CHIC1: variants seen among roughly 807,000 people sequenced by gnomAD.
CHIC1 encodes the protein cysteine rich hydrophobic domain 1.
A neutral mutation model predicts 18.5 loss-of-function variants in CHIC1; 7 were observed. The observed-to-expected ratio is 0.38, with a 90% CI of 0.22 to 0.71. CHIC1 has a LOEUF of 0.71. Among genes scored for constraint, CHIC1 ranks in the 30% least tolerant of loss-of-function variants. The pLI, the probability that CHIC1 is intolerant of heterozygous loss-of-function variation, is 0.49. For synonymous variants in CHIC1, 77 were observed against 73.5 expected (o/e 1.05, Z -0.25); for missense variants, 159 against 176.9 (o/e 0.90, Z 0.57).
At chrX:73,641,167 G>A (rs1603346907) in intron 3 of CHIC1, among the ~76,000 whole-genome samples, 1 of 111,219 alleles carries the variant, frequency 9.0e-6, no homozygotes, top group Non-Finnish European at 1.9e-5. Context: ...TATTTTCTCA[G>A]TATTTATTTC....
chrX:73,573,721 C>G (rs2057482241), intron 1 of CHIC1, among the ~76,000 whole-genome samples: 1 of 110,727 alleles, frequency 9.0e-6, no homozygotes, highest in African/African-American at 3.3e-5. Context: ...TGATTTGGCT[C>G]TCAGCTTAAA....
At chrX:73,663,455 G>A (rs1256004070) in intron 3 of CHIC1, among the ~76,000 whole-genome samples, 2 of 110,421 alleles carry the variant, frequency 1.8e-5, no homozygotes, top group Non-Finnish European at 3.8e-5. Context: ...GTTCCCCAAA[G>A]ATTAACAGGG....
At chrX:73,605,628 T>C (rs933432570) in intron 3 of CHIC1, among the ~76,000 whole-genome samples, 6 of 108,956 alleles carry the variant, frequency 5.5e-5, no homozygotes, top group African/African-American at 2.1e-4. Flanking sequence ...CAGTAGCTGT[T>C]ACTGATTTTT....
intron 3 of CHIC1, among the ~76,000 whole-genome samples, chrX:73,643,156 T>G (rs1245395700): frequency 8.0e-5 from 9 of 111,874 alleles, no homozygotes; most frequent in African/African-American, 2.3e-4. Flanking sequence ...TGAAATTCTG[T>G]TTTGAAAATC....
intron 3 of CHIC1, among the ~76,000 whole-genome samples, chrX:73,626,842 G>A (rs2057785600): frequency 9.0e-6 from 1 of 110,868 alleles, no homozygotes. Context: ...TTTCCTGGAT[G>A]CTGTTGATGC....
rs1232677352 is a variant in CHIC1, at chrX:73,672,897, A to C, written c.508-6429A>C. Among the ~76,000 whole-genome samples, 3 of 111,865 alleles carry C rather than the reference A, an allele frequency of 2.7e-5. No individual in the cohort carries two copies. In the Admixed American group the frequency reaches 2.8e-4, roughly 11 times the overall value. On this transcript the variant is annotated intron_variant, in intron 3 of 5. Transcript: ENST00000373502. ...TTTCTTCTAGGGTTTCTATGGTTTT[A>C]GGTCTAACATGTAAGTCTTTAATCC...
intron 3 of CHIC1, among the ~76,000 whole-genome samples, chrX:73,663,828 G>A (rs930186928): frequency 1.8e-5 from 2 of 110,978 alleles, no homozygotes; most frequent in Non-Finnish European, 3.8e-5. Context: ...AGCTATCTTT[G>A]ATCCAGGGGA....
rs1397140094 is a variant in CHIC1, at chrX:73,683,449, T to C, written c.*2444T>C. 1.8e-5 allele frequency: 2 copies of C among 111,392 alleles called. No individual in the cohort carries two copies. Among genetic ancestry groups the C allele is most frequent in the Non-Finnish European group, 3.8e-5 (2 of 52,829 alleles). 9.2% of individuals were successfully genotyped at this position (111,392 alleles called of 1,213,427 possible). A position where few individuals can be genotyped will look rare whatever the true frequency, so the allele number is the denominator to read the frequency against. On this transcript the variant is annotated 3_prime_UTR_variant, in exon 6 of 6. Coordinates refer to ENST00000373502, the MANE Select transcript of CHIC1 (RefSeq NM_001039840.4). ...CGGGGTTGCTTTGTTTTCAGTGAAA[T>C]TGGTTGCAGTGAATGCTAAAATGAC...
intron 3 of CHIC1, among the ~76,000 whole-genome samples, chrX:73,636,705 A>G (rs2057832722): frequency 9.1e-6 from 1 of 109,368 alleles, no homozygotes; most frequent in African/African-American, 3.3e-5. Context: ...CTCTGTGGTT[A>G]CCGTGGAGGT....
intron 3 of CHIC1, among the ~76,000 whole-genome samples, chrX:73,667,653 T>A (rs1207966737): frequency 8.9e-6 from 1 of 111,743 alleles, no homozygotes; most frequent in Non-Finnish European, 1.9e-5. Context: ...GAAATTCTTT[T>A]CTTTAAGAAT....
chrX:73,618,794 C>T (rs1290726611), intron 3 of CHIC1, among the ~76,000 whole-genome samples: 1 of 112,507 alleles, frequency 8.9e-6, no homozygotes, highest in Non-Finnish European at 1.9e-5. Flanking sequence ...TTCACCTCCT[C>T]CCCTGATTTC....
At chrX:73,601,933 C>T (rs1304841153) in intron 3 of CHIC1, among the ~76,000 whole-genome samples, 1 of 104,826 alleles carries the variant, frequency 9.5e-6, no homozygotes, top group African/African-American at 3.8e-5. Flanking sequence ...ACTATAAACA[C>T]CTCTATGCAA....
At chrX:73,599,175 C>T (rs993052556) in intron 3 of CHIC1, among the ~76,000 whole-genome samples, 4 of 109,502 alleles carry the variant, frequency 3.7e-5, no homozygotes, top group Admixed American at 9.8e-5. Context: ...CTTTTGATGG[C>T]GTTGTTTGTT....
intron 3 of CHIC1, among the ~76,000 whole-genome samples, chrX:73,667,202 G>A (rs756581749): frequency 1.8e-5 from 2 of 111,447 alleles, no homozygotes; most frequent in African/African-American, 6.5e-5. Flanking sequence ...CATTTGCTTG[G>A]TAAATTTTCT....
chrX:73,632,206 TA>T (rs1569503458), intron 3 of CHIC1, among the ~76,000 whole-genome samples: 1 of 112,258 alleles, frequency 8.9e-6, no homozygotes. Flanking sequence ...ATTCTCTTGA[TA>T]AATTGACCAC....
chrX:73,642,217 G>T (rs1379806928), intron 3 of CHIC1, among the ~76,000 whole-genome samples: 2 of 110,997 alleles, frequency 1.8e-5, no homozygotes, highest in Non-Finnish European at 3.8e-5. Flanking sequence ...CATTCTAACT[G>T]GTATGAGATG....
chrX:73,660,588 C>A (rs745495847), intron 3 of CHIC1, among the ~76,000 whole-genome samples: 1 of 112,014 alleles, frequency 8.9e-6, no homozygotes, highest in East Asian at 2.8e-4. Flanking sequence ...AGAATTTGCT[C>A]AGCCTCCAGA....
At chrX:73,655,675 ACAC>A (rs2057945661) in intron 3 of CHIC1, among the ~76,000 whole-genome samples, 3 of 100,537 alleles carry the variant, frequency 3.0e-5, no homozygotes, top group South Asian at 8.8e-4. Context: ...ATATATACAC[ACAC>A]CACATTATCA....
chrX:73,679,192 C>T, intron 3 of CHIC1, 134 bp from the exon 4 acceptor site: 1 of 446,697 alleles, frequency 2.2e-6, no homozygotes, highest in Non-Finnish European at 3.9e-6. Context: ...ACTGATATTG[C>T]TTATTTCTCA....
Sources: allele counts gnomAD v4.1 joint callset (sites outside exome capture counted in the v4.1 genomes callset), GRCh38; gene constraint gnomAD v4.1.1; transcripts MANE v1.5; gene names NCBI Gene and HGNC (gene_info 2026-07-23, HGNC 2026-07-21).